SH3D19: variants seen among roughly 807,000 people sequenced by gnomAD.
SH3D19 encodes the protein SH3 domain-containing protein 19.
In SH3D19, 58 loss-of-function variants were observed where a neutral mutation model predicts 112.1. That is an observed-to-expected ratio of 0.52 (90% CI 0.42 to 0.64). SH3D19 has a LOEUF of 0.64. Among genes scored for constraint, SH3D19 ranks in the 30% least tolerant of loss-of-function variants. The probability of loss-of-function intolerance (pLI) is 0.00; values close to 1 mark genes in which losing one functional copy is unlikely to be tolerated. For missense variants in SH3D19, 1,090 were observed against 1,263.4 expected, an observed-to-expected ratio of 0.86 and a Z score of 2.08; for synonymous variants, 391 against 448.5, an observed-to-expected ratio of 0.87 and a Z score of 1.62.
intron 2 of SH3D19, among the ~76,000 whole-genome samples, chr4:151,189,535 A>T (rs534431823): frequency 3.5e-4 from 54 of 152,212 alleles, no homozygotes; most frequent in Admixed American, 2.9e-3. Context: ...AGGTGATTGA[A>T]TTATGGGGGC....
chr4:151,201,740 G>A (rs1321698255), intron 2 of SH3D19, among the ~76,000 whole-genome samples: 3 of 152,322 alleles, frequency 2.0e-5, no homozygotes, highest in Non-Finnish European at 4.4e-5. Flanking sequence ...GCCGGGCACA[G>A]TGGCTCATGC....
intron 13 of SH3D19, among the ~76,000 whole-genome samples, chr4:151,138,616 G>A (rs1191606732): frequency 1.3e-5 from 2 of 151,126 alleles, no homozygotes; most frequent in African/African-American, 2.4e-5. Flanking sequence ...GATCACTTGA[G>A]TCCAGGAGTT....
intron 14 of SH3D19, among the ~76,000 whole-genome samples, chr4:151,135,868 C>A (rs534092609): frequency 1.4e-4 from 22 of 152,240 alleles, no homozygotes; most frequent in Admixed American, 1.2e-3. Flanking sequence ...TAAAACATTT[C>A]AATAAAACTT....
At chr4:151,254,866 C>A (rs1174838120) in intron 1 of SH3D19, among the ~76,000 whole-genome samples, 4 of 151,934 alleles carry the variant, frequency 2.6e-5, no homozygotes, top group Admixed American at 2.0e-4. Flanking sequence ...GGTGGCCGGG[C>A]AGAGGGCTCC....
chr4:151,166,240 GAAATA>G, intron 7 of SH3D19: 1 of 152,134 alleles, frequency 6.6e-6, no homozygotes, highest in Non-Finnish European at 1.5e-5. Flanking sequence ...TTCTATCCCA[GAAATA>G]AAATAAGACA....
intron 9 of SH3D19, among the ~76,000 whole-genome samples, chr4:151,150,290 T>C (rs190209543): frequency 0.017 from 2,326 of 137,318 alleles, 70 homozygotes; most frequent in African/African-American, 0.058. Flanking sequence ...CACATATATA[T>C]ACATATATAT....
chr4:151,292,584 A>G (rs1414522545), intron 1 of SH3D19, among the ~76,000 whole-genome samples: 1 of 152,148 alleles, frequency 6.6e-6, no homozygotes, highest in African/African-American at 2.4e-5. Context: ...CACACAACCT[A>G]TCCTATTCCC....
At chr4:151,149,668 T>G (rs903045423) in intron 9 of SH3D19, 107 bp from the exon 10 acceptor site, 8 of 923,060 alleles carry the variant, frequency 8.7e-6, no homozygotes, top group African/African-American at 8.3e-5. Flanking sequence ...AGAAATGCAG[T>G]TGAATTATAG....
At chr4:151,138,684 TCTCACACACACA>T (rs1466993486) in intron 13 of SH3D19, among the ~76,000 whole-genome samples, 4,461 of 135,864 alleles carry the variant, frequency 0.033, 182 homozygotes, top group African/African-American at 0.086. Flanking sequence ...CAAGATCTTG[TCTCACACACACA>T]CACACACACA....
chr4:151,302,613 T>C (rs1728542489), intron 1 of SH3D19, among the ~76,000 whole-genome samples: 1 of 152,124 alleles, frequency 6.6e-6, no homozygotes, highest in Non-Finnish European at 1.5e-5. Context: ...TCTGCAGATG[T>C]AGGAAAAAAC....
At chr4:151,235,493 A>C (rs1242914227) in intron 1 of SH3D19, among the ~76,000 whole-genome samples, 1 of 152,208 alleles carries the variant, frequency 6.6e-6, no homozygotes. Context: ...AGGATAAAAC[A>C]TTTCTTACAG....
chr4:151,209,971 A>G (rs1372860401), intron 2 of SH3D19, among the ~76,000 whole-genome samples: 1 of 152,224 alleles, frequency 6.6e-6, no homozygotes, highest in African/African-American at 2.4e-5. Context: ...TTCTTATTGG[A>G]CACCTTCTAG....
Position 151,182,992 on chromosome 4 carries a change from C to CTTT in SH3D19, c.194-3598_194-3596dup, listed in dbSNP as rs757247209. Among the ~76,000 whole-genome samples the CTTT allele has an allele frequency of 6.2e-4, 87 of 139,976 alleles. 5 individuals are homozygous for CTTT. The highest frequency in any genetic ancestry group is 1.8e-3 in the African/African-American group (69 of 38,038). The allele number at this position is 139,976 out of a possible 152,430, so 91.8% of individuals were successfully genotyped here. ...TTACAGAATTATTTTCAAACTTTTT[C>CTTT]TTTTTTTTTTTCTTTTTGAGCTGGG... On this transcript the variant is annotated intron_variant, in intron 3 of 19. Transcript: ENST00000604030.
intron 1 of SH3D19, among the ~76,000 whole-genome samples, chr4:151,238,271 AT>A (rs147152551): frequency 0.1 from 15,207 of 152,052 alleles, 1,501 homozygotes; most frequent in African/African-American, 0.25. Context: ...TTAAATGTAA[AT>A]TTTTTTATCT....
chr4:151,154,904 C>T (rs541279611), intron 9 of SH3D19, among the ~76,000 whole-genome samples: 15 of 151,644 alleles, frequency 9.9e-5, no homozygotes, highest in East Asian at 9.7e-4. Flanking sequence ...ATTACAGGCA[C>T]GCATCACCAT....
At chr4:151,142,335 C>T (rs927583516) in intron 12 of SH3D19, among the ~76,000 whole-genome samples, 1 of 152,138 alleles carries the variant, frequency 6.6e-6, no homozygotes, top group African/African-American at 2.4e-5. Context: ...GTGCAGAACA[C>T]TTTTATCACT....
intron 1 of SH3D19, among the ~76,000 whole-genome samples, chr4:151,319,113 T>C (rs6820729): frequency 0.5 from 76,120 of 152,042 alleles, 19,244 homozygotes; most frequent in African/African-American, 0.55. Flanking sequence ...TGCAGTGGTG[T>C]GATCTCAGTT....
chr4:151,184,969 A>G (rs1473338500), intron 3 of SH3D19, among the ~76,000 whole-genome samples: 1 of 150,398 alleles, frequency 6.6e-6, no homozygotes, highest in Non-Finnish European at 1.5e-5. Flanking sequence ...GTTTAGTATT[A>G]AGAGCTATTG....
intron 1 of SH3D19, among the ~76,000 whole-genome samples, chr4:151,313,994 A>G (rs1580471766): frequency 6.6e-6 from 1 of 152,338 alleles, no homozygotes; most frequent in Non-Finnish European, 1.5e-5. Flanking sequence ...TTTTCTTCTG[A>G]GCCCTTTGTT....
Sources: gnomAD v4.1 joint callset for allele counts (sites outside exome capture counted in the v4.1 genomes callset) on GRCh38, gnomAD v4.1.1 for gene constraint, MANE v1.5 for transcripts, NCBI Gene and HGNC (gene_info 2026-07-23, HGNC 2026-07-21) for gene names.